The following NAV2 variants were observed in gnomAD, a reference collection of about 807,000 sequenced individuals.
The protein encoded by NAV2 is neuron navigator 2.
Under a neutral mutation model 223.2 loss-of-function variants are expected in NAV2, and 54 were observed. The observed-to-expected ratio is 0.24, with a 90% CI of 0.19 to 0.30. The LOEUF (loss-of-function observed/expected upper bound fraction) is 0.30. NAV2 is among the 10% of genes least tolerant of loss of function. The pLI is 1.00. For synonymous variants in NAV2, 1,279 were observed against 1,239.3 expected, an observed-to-expected ratio of 1.03 and a Z score of -0.67; for missense variants, 2,806 against 3,147.5, an observed-to-expected ratio of 0.89 and a Z score of 2.60.
In NAV2 at chr11:19,948,690, G is replaced by A; in HGVS notation, c.2256-1G>A. 6.4e-7 allele frequency: 1 copy of A among 1,571,210 alleles called. No individual in the cohort carries two copies. Among genetic ancestry groups the A allele is most frequent in the Non-Finnish European group, 8.7e-7 (1 of 1,153,608 alleles). ...TCTAATCAGGTTGGTTTTGTTTCTAGCACATTGGAAACCACGTTTGACACC... is the reference window on the plus strand; with the variant it reads ...TCTAATCAGGTTGGTTTTGTTTCTAACACATTGGAAACCACGTTTGACACC... On this transcript the variant is annotated splice_acceptor_variant, in intron 9 of 37. Transcript: ENST00000349880. LOFTEE classifies it high-confidence loss of function.
At chr11:19,883,870 T>C (rs2063366901) in intron 5 of NAV2, among the ~76,000 whole-genome samples, 1 of 152,220 alleles carries the variant, frequency 6.6e-6, no homozygotes, top group South Asian at 2.1e-4. Context: ...CATCTTGTTT[T>C]GGGTCACCTT....
At chr11:19,954,872 CAT>C (rs1491583714) in intron 10 of NAV2, among the ~76,000 whole-genome samples, 2 of 70,016 alleles carry the variant, frequency 2.9e-5, no homozygotes, top group Non-Finnish European at 6.0e-5. Context: ...TGTGTATATG[CAT>C]GTGTGTGTGT....
chr11:20,056,829 T>C (rs1215284317), intron 19 of NAV2, among the ~76,000 whole-genome samples: 3 of 152,166 alleles, frequency 2.0e-5, no homozygotes, highest in African/African-American at 7.2e-5. Context: ...TGTTTTTTCA[T>C]GGATAAAATA....
intron 1 of NAV2, among the ~76,000 whole-genome samples, chr11:19,405,390 G>A (rs1225099307): frequency 2.6e-5 from 4 of 152,104 alleles, no homozygotes; most frequent in African/African-American, 4.8e-5. Context: ...TGGGTCTCTC[G>A]TCTTCCCCTT....
At chr11:19,758,211 C>T (rs2054397949) in intron 1 of NAV2, among the ~76,000 whole-genome samples, 1 of 152,178 alleles carries the variant, frequency 6.6e-6, no homozygotes, top group South Asian at 2.1e-4. Context: ...ACAGGAGGGT[C>T]CTGCCCTCAT....
intron 12 of NAV2, among the ~76,000 whole-genome samples, chr11:20,037,871 T>C (rs1396966319): frequency 6.6e-6 from 1 of 151,974 alleles, no homozygotes; most frequent in South Asian, 2.1e-4. Flanking sequence ...TCATTGTATA[T>C]TCAAGATAAG....
intron 1 of NAV2, among the ~76,000 whole-genome samples, chr11:19,719,472 G>A (rs2152350896): frequency 6.6e-6 from 1 of 152,328 alleles, no homozygotes; most frequent in South Asian, 2.1e-4. Flanking sequence ...CATCTTTGAA[G>A]CAGAAATGGT....
chr11:19,696,291 G>A (rs2049339238), intron 1 of NAV2, among the ~76,000 whole-genome samples: 1 of 152,244 alleles, frequency 6.6e-6, no homozygotes, highest in South Asian at 2.1e-4. Flanking sequence ...TAGGTGTGAG[G>A]ATTCAGGAAG....
intron 1 of NAV2, among the ~76,000 whole-genome samples, chr11:19,439,342 T>A (rs1851320110): frequency 6.6e-6 from 1 of 151,774 alleles, no homozygotes; most frequent in Non-Finnish European, 1.5e-5. Flanking sequence ...CAGAAAAAAA[T>A]AACTAATAGG....
chr11:19,696,163 C>T (rs2049333725), intron 1 of NAV2, among the ~76,000 whole-genome samples: 3 of 150,384 alleles, frequency 2.0e-5, no homozygotes, highest in Non-Finnish European at 3.0e-5. Flanking sequence ...TCAATCACAT[C>T]GGGAAAAAAA....
At chr11:19,404,544 GT>G (rs1215457310) in intron 1 of NAV2, among the ~76,000 whole-genome samples, 1 of 47,710 alleles carries the variant, frequency 2.1e-5, no homozygotes, top group Non-Finnish European at 7.6e-5. Context: ...TATAGATATA[GT>G]TTCTGCAGCT....
At chr11:20,074,584 C>G (rs566363049) in intron 22 of NAV2, among the ~76,000 whole-genome samples, 1 of 152,134 alleles carries the variant, frequency 6.6e-6, no homozygotes, top group African/African-American at 2.4e-5. Flanking sequence ...CTTTGTAGGT[C>G]TCTAAGGACT....
At chr11:19,988,551 T>TCCC (rs2051018400) in intron 11 of NAV2, among the ~76,000 whole-genome samples, 3 of 151,384 alleles carry the variant, frequency 2.0e-5, no homozygotes, top group African/African-American at 7.3e-5. Context: ...TTTCTTTTCT[T>TCCC]CTTGTTATAA....
chr11:19,691,832 A>G (rs958965063), intron 1 of NAV2, among the ~76,000 whole-genome samples: 27 of 152,192 alleles, frequency 1.8e-4, no homozygotes, highest in South Asian at 4.1e-4. Flanking sequence ...TCCTGACCAC[A>G]CTAGAATTAT....
intron 1 of NAV2, among the ~76,000 whole-genome samples, chr11:19,726,707 C>G (rs768307090): frequency 5.3e-5 from 8 of 152,232 alleles, no homozygotes; most frequent in Non-Finnish European, 1.2e-4. Context: ...AAAGTATGGT[C>G]TGTGGCCTGG....
chr11:19,629,806 C>T (rs1265420225), intron 1 of NAV2, among the ~76,000 whole-genome samples: 1 of 152,144 alleles, frequency 6.6e-6, no homozygotes, highest in African/African-American at 2.4e-5. Flanking sequence ...TGCACTTTCC[C>T]GCCTCTCAAC....
chr11:19,396,928 G>T (rs115313374), intron 1 of NAV2, among the ~76,000 whole-genome samples: 1,874 of 152,314 alleles, frequency 0.012, 38 homozygotes, highest in African/African-American at 0.043. Flanking sequence ...TTAAAGTGAG[G>T]CTCATGTGTA....
At position 20,063,645 on chromosome 11, in the gene NAV2, G is replaced by A. The variant is rs1176887701; in HGVS notation, c.4884+1286G>A. ...CCATCTCAGCCTCCCGAAGTGTTGG[G>A]ATTACAGGCGTGAGCCACCGCGCAT... On this transcript the variant is annotated intron_variant, in intron 20 of 37. Transcript: ENST00000349880. Among the ~76,000 whole-genome samples the A allele has an allele frequency of 7.9e-5, 12 of 152,188 alleles. No homozygotes were observed. In the East Asian group the frequency reaches 2.3e-3, roughly 29 times the overall value.
In NAV2 at chr11:20,120,769, T is replaced by G. The variant is rs369356478; in HGVS notation, c.*2511T>G. ...TCACAACTCCGTGTCCTTCCTAAAG[T>G]TTCGGGAAGCAGGGTTGTCTAATAT... On this transcript the variant is annotated 3_prime_UTR_variant, in exon 38 of 38. Coordinates refer to ENST00000349880, the MANE Select transcript of NAV2 (RefSeq NM_145117.5). 8.5e-5 allele frequency: 13 copies of G among 152,526 alleles called. No individual in the cohort carries two copies. The East Asian group carries it at 1.9e-3, about 23-fold the overall frequency. The allele number at this position is 152,526 out of a possible 1,614,324, so 9.4% of individuals were successfully genotyped here. A position where few individuals can be genotyped will look rare whatever the true frequency, so the allele number is the denominator to read the frequency against.
Sources: allele counts gnomAD v4.1 joint callset (sites outside exome capture counted in the v4.1 genomes callset), GRCh38; gene constraint gnomAD v4.1.1; transcripts MANE v1.5; gene names NCBI Gene and HGNC (gene_info 2026-07-23, HGNC 2026-07-21).